Variants in SLC20A2 observed in about 807,000 individuals in gnomAD.
SLC20A2 encodes sodium-dependent phosphate transporter 2.
SLC20A2 carries 30 observed loss-of-function variants against 61.0 expected under a neutral mutation model. The observed-to-expected ratio is 0.49, with a 90% CI of 0.37 to 0.67. The LOEUF is 0.67. Among genes scored for constraint, SLC20A2 ranks in the 30% least tolerant of loss-of-function variants. The probability of loss-of-function intolerance (pLI) is 0.00; values close to 1 mark genes in which losing one functional copy is unlikely to be tolerated. For synonymous variants in SLC20A2, 351 were observed against 353.3 expected, an observed-to-expected ratio of 0.99 and a Z score of 0.07; for missense variants, 626 against 866.4, an observed-to-expected ratio of 0.72 and a Z score of 3.48.
intron 1 of SLC20A2, among the ~76,000 whole-genome samples, chr8:42,512,115 T>G (rs953747705): frequency 1.3e-5 from 2 of 152,200 alleles, no homozygotes; most frequent in African/African-American, 4.8e-5. Context: ...ACATTAATGC[T>G]TTCATTTTAA....
intron 5 of SLC20A2, among the ~76,000 whole-genome samples, chr8:42,450,419 G>A (rs1197230574): frequency 6.6e-6 from 1 of 151,262 alleles, no homozygotes; most frequent in Non-Finnish European, 1.5e-5. Flanking sequence ...GTAGAGATGG[G>A]GTTTCACCAT....
At chr8:42,471,991 C>A (rs751197432) in intron 2 of SLC20A2, 111 bp downstream of exon 2, 5 of 906,190 alleles carry the variant, frequency 5.5e-6, no homozygotes, top group Non-Finnish European at 8.5e-6. Flanking sequence ...AACATCCAAC[C>A]AGTTTTTGAA....
At chr8:42,428,066 G>A (rs1803549829) in intron 10 of SLC20A2, among the ~76,000 whole-genome samples, 1 of 152,082 alleles carries the variant, frequency 6.6e-6, no homozygotes, top group African/African-American at 2.4e-5. Flanking sequence ...CCGGGGCTCT[G>A]GTCCTCCCCA....
At chr8:42,475,712 C>T (rs1197560513) in intron 1 of SLC20A2, among the ~76,000 whole-genome samples, 1 of 151,742 alleles carries the variant, frequency 6.6e-6, no homozygotes, top group Non-Finnish European at 1.5e-5. Context: ...CACCAGGGCC[C>T]AGAAGATCCT....
rs1391262305 is a variant in SLC20A2 at position 42,438,063 on chromosome 8, C to CAAAAAAAAAAAAAAAAAAA, written c.935-505_935-487dup. Among the ~76,000 whole-genome samples the CAAAAAAAAAAAAAAAAAAA allele has an allele frequency of 7.5e-4, 20 of 26,810 alleles. 4 individuals are homozygous for CAAAAAAAAAAAAAAAAAAA. The highest frequency in any genetic ancestry group is 1.3e-3 in the Non-Finnish European group (16 of 12,232). The allele number at this position is 26,810 out of a possible 152,430, so 17.6% of individuals were successfully genotyped here. A position where few individuals can be genotyped will look rare whatever the true frequency, so the allele number is the denominator to read the frequency against. ...TATGGTTACCACTAAAAAAAAAAAC[C>CAAAAAAAAAAAAAAAAAAA]AAAAAAAAAAAAAAAAAAAAAAAAA... On this transcript the variant is annotated intron_variant, in intron 7 of 10. Transcript: ENST00000520262.
intron 1 of SLC20A2, among the ~76,000 whole-genome samples, chr8:42,510,888 A>T (rs899653643): frequency 1.3e-5 from 2 of 151,600 alleles, no homozygotes; most frequent in Non-Finnish European, 2.9e-5. Flanking sequence ...GGATTTTTTA[A>T]AAAAAAGAAA....
At chr8:42,441,437 T>C (rs139498866) in intron 6 of SLC20A2, among the ~76,000 whole-genome samples, 3,731 of 143,368 alleles carry the variant, frequency 0.026, 81 homozygotes, top group African/African-American at 0.046. Context: ...CAGGCATGAG[T>C]CACCGTGCCT....
intron 1 of SLC20A2, among the ~76,000 whole-genome samples, chr8:42,539,918 G>C (rs904384149): frequency 2.6e-5 from 4 of 152,152 alleles, no homozygotes; most frequent in African/African-American, 7.2e-5. Flanking sequence ...CTTCCAACTT[G>C]AAAAACACAT....
chr8:42,418,051 C>T, intron 10 of SLC20A2, 84 bp from the exon 11 acceptor site: 1 of 1,140,946 alleles, frequency 8.8e-7, no homozygotes, highest in Non-Finnish European at 1.3e-6. Flanking sequence ...ATCTCAGAAA[C>T]AAGCTCTAGT....
chr8:42,439,704 T>G, intron 6 of SLC20A2, 51 bp from the exon 7 acceptor site: 1 of 1,285,992 alleles, frequency 7.8e-7, no homozygotes, highest in Non-Finnish European at 1.1e-6. Flanking sequence ...TTCTTATTAT[T>G]GAAACATGAA....
chr8:42,526,859 T>G (rs1811992597), intron 1 of SLC20A2, among the ~76,000 whole-genome samples: 1 of 151,966 alleles, frequency 6.6e-6, no homozygotes, highest in Non-Finnish European at 1.5e-5. Context: ...GTCTCAGCAC[T>G]TTGAGGGGTC....
chr8:42,528,608 C>T (rs1389728876), intron 1 of SLC20A2, among the ~76,000 whole-genome samples: 1 of 152,136 alleles, frequency 6.6e-6, no homozygotes, highest in Non-Finnish European at 1.5e-5. Context: ...CTGGCTTAAT[C>T]ATTTACTTTC....
chr8:42,540,708 G>A (rs1331796259), intron 1 of SLC20A2, among the ~76,000 whole-genome samples: 1 of 152,174 alleles, frequency 6.6e-6, no homozygotes, highest in African/African-American at 2.4e-5. Context: ...CAGTCAGCTG[G>A]TCCTAGAGAA....
intron 8 of SLC20A2, 149 bp downstream of exon 8, chr8:42,436,840 C>T: frequency 5.8e-6 from 4 of 692,838 alleles, no homozygotes; most frequent in Middle Eastern, 4.1e-4. Flanking sequence ...GCAATGCTGA[C>T]TTATGGGTCT....
At chr8:42,534,242 G>A (rs922229660) in intron 1 of SLC20A2, among the ~76,000 whole-genome samples, 3 of 151,880 alleles carry the variant, frequency 2.0e-5, no homozygotes, top group South Asian at 2.1e-4. Flanking sequence ...TCGCATCATC[G>A]CACTCCAACC....
intron 10 of SLC20A2, among the ~76,000 whole-genome samples, chr8:42,424,632 A>T (rs1236875163): frequency 6.6e-6 from 1 of 152,258 alleles, no homozygotes; most frequent in Non-Finnish European, 1.5e-5. Flanking sequence ...GCCTTCTGGA[A>T]TAAAATGTGA....
chr8:42,537,856 T>A (rs937573419), intron 1 of SLC20A2: 1 of 152,238 alleles, frequency 6.6e-6, no homozygotes, highest in East Asian at 1.9e-4. Context: ...AGTGCTTAGA[T>A]GTCCCTTCGA....
chr8:42,488,582 T>A (rs564083778), intron 1 of SLC20A2, among the ~76,000 whole-genome samples: 1 of 152,356 alleles, frequency 6.6e-6, no homozygotes, highest in Non-Finnish European at 1.5e-5. Context: ...TTGCTGGATG[T>A]GGTCATTCTA....
rs1193049616 is a variant in SLC20A2 at position 42,479,239 on chromosome 8, G to GA, written c.-264-6586dup. Among the ~76,000 whole-genome samples, 6 of 152,304 alleles carry GA rather than the reference G, an allele frequency of 3.9e-5. No homozygotes were observed. The East Asian group carries it at 1.2e-3, about 29-fold the overall frequency. ...TTACGCAAATATAAACATTTCAGGT[G>GA]AAAATCATTCCCATGGGGAACCACA... On this transcript the variant is annotated intron_variant, in intron 1 of 10. Transcript: ENST00000520262.
Sources: gnomAD v4.1 joint callset for allele counts (sites outside exome capture counted in the v4.1 genomes callset) on GRCh38, gnomAD v4.1.1 for gene constraint, MANE v1.5 for transcripts, NCBI Gene and HGNC (gene_info 2026-07-23, HGNC 2026-07-21) for gene names.